BACE2: variants seen among roughly 807,000 people sequenced by gnomAD.
BACE2 encodes 56 kDa aspartic-like protease.
A neutral mutation model predicts 46.2 loss-of-function variants in BACE2; 17 were observed. The observed-to-expected ratio is 0.37, with a 90% confidence interval of 0.25 to 0.55. The LOEUF is 0.55. BACE2 is among the 20% of genes least tolerant of loss of function. BACE2 has a pLI of 0.82. For missense variants in BACE2, 595 were observed against 698.1 expected, an observed-to-expected ratio of 0.85 and a Z score of 1.66; for synonymous variants, 277 against 295.9, an observed-to-expected ratio of 0.94 and a Z score of 0.66.
At chr21:41,265,788 AT>A (rs1279883916) in intron 8 of BACE2, among the ~76,000 whole-genome samples, 1 of 152,212 alleles carries the variant, frequency 6.6e-6, no homozygotes, top group Admixed American at 6.5e-5. Context: ...AGTGTAAAAA[AT>A]GTTTACTTTG....
At chr21:41,256,212 G>A (rs1467309105) in intron 7 of BACE2, among the ~76,000 whole-genome samples, 2 of 152,028 alleles carry the variant, frequency 1.3e-5, no homozygotes, top group Admixed American at 1.3e-4. Context: ...CCTGCATTAG[G>A]TATTTCTCCT....
chr21:41,209,231 G>A (rs1203642753), intron 1 of BACE2, among the ~76,000 whole-genome samples: 1 of 152,226 alleles, frequency 6.6e-6, no homozygotes, highest in Non-Finnish European at 1.5e-5. Context: ...GCGCCTTCTG[G>A]GGGTGGGAGA....
At chr21:41,198,957 G>T (rs1985845660) in intron 1 of BACE2, among the ~76,000 whole-genome samples, 1 of 151,152 alleles carries the variant, frequency 6.6e-6, no homozygotes, top group Non-Finnish European at 1.5e-5. Context: ...GTGACATGCT[G>T]GTGTGCTGCA....
At chr21:41,244,867 G>A (rs1443611732) in intron 5 of BACE2, among the ~76,000 whole-genome samples, 1 of 151,806 alleles carries the variant, frequency 6.6e-6, no homozygotes, top group South Asian at 2.1e-4. Flanking sequence ...AAACCTCTGT[G>A]TGTGTGTGTG....
intron 1 of BACE2, among the ~76,000 whole-genome samples, chr21:41,197,672 A>T (rs73364441): frequency 6.6e-6 from 1 of 152,150 alleles, no homozygotes; most frequent in African/African-American, 2.4e-5. Flanking sequence ...AAAAAATGGA[A>T]ATAAGCCGTA....
At chr21:41,177,018 A>G (rs1261710287) in intron 1 of BACE2, 2 of 152,270 alleles carry the variant, frequency 1.3e-5, no homozygotes, top group Non-Finnish European at 2.9e-5. Context: ...GCTCCAAGGC[A>G]GTGCAAACTA....
chr21:41,262,394 A>G (rs972620464), intron 8 of BACE2, among the ~76,000 whole-genome samples: 6 of 152,018 alleles, frequency 3.9e-5, no homozygotes, highest in African/African-American at 7.2e-5. Flanking sequence ...GTTCCATTCC[A>G]CTGGTCAAGT....
intron 1 of BACE2, among the ~76,000 whole-genome samples, chr21:41,189,422 C>A (rs1601251595): frequency 6.6e-6 from 1 of 152,294 alleles, no homozygotes; most frequent in Non-Finnish European, 1.5e-5. Context: ...GGATCACTTT[C>A]TTTTTCTCTG....
chr21:41,265,378 T>C (rs923972179), intron 8 of BACE2, among the ~76,000 whole-genome samples: 1 of 152,240 alleles, frequency 6.6e-6, no homozygotes, highest in Non-Finnish European at 1.5e-5. Flanking sequence ...TTAAAAGGTA[T>C]ACATATTTGT....
chr21:41,222,490 C>A (rs4816715), intron 1 of BACE2, among the ~76,000 whole-genome samples: 150,087 of 152,332 alleles, frequency 0.99, 73,973 homozygotes, highest in East Asian at 1. Context: ...AGGCCCTGCC[C>A]CTGGGGGATG....
At chr21:41,268,663 T>C (rs2088403399) in intron 8 of BACE2, among the ~76,000 whole-genome samples, 1 of 152,178 alleles carries the variant, frequency 6.6e-6, no homozygotes, top group East Asian at 1.9e-4. Context: ...GGAGGATGGC[T>C]TGAGTTTGAG....
At chr21:41,236,456 C>G (rs1204454569) in intron 2 of BACE2, among the ~76,000 whole-genome samples, 1 of 152,222 alleles carries the variant, frequency 6.6e-6, no homozygotes, top group African/African-American at 2.4e-5. Context: ...GCAGGACTTT[C>G]GTCTGATCTT....
At chr21:41,228,058 C>T (rs932917924) in intron 2 of BACE2, among the ~76,000 whole-genome samples, 2 of 152,180 alleles carry the variant, frequency 1.3e-5, no homozygotes, top group Non-Finnish European at 2.9e-5. Flanking sequence ...GGCCAGCAGT[C>T]CCCAAACCTT....
chr21:41,192,519 C>T (rs565263770), intron 1 of BACE2, among the ~76,000 whole-genome samples: 1 of 152,328 alleles, frequency 6.6e-6, no homozygotes, highest in Admixed American at 6.5e-5. Context: ...AGCCCAGTAA[C>T]AGGCCAAGAG....
At chr21:41,168,720 G>T in intron 1 of BACE2, 145 bp downstream of exon 1, 2 of 538,888 alleles carry the variant, frequency 3.7e-6, no homozygotes, top group Non-Finnish European at 2.8e-6. Flanking sequence ...AGGGGCTCGG[G>T]TGGGCCGGGG....
chr21:41,220,182 G>T (rs544219820), intron 1 of BACE2, among the ~76,000 whole-genome samples: 1 of 152,166 alleles, frequency 6.6e-6, no homozygotes, highest in Non-Finnish European at 1.5e-5. Context: ...GTAGGTTGAG[G>T]TATAGGGGGA....
chr21:41,273,487 T>C (rs1193579806), intron 8 of BACE2, among the ~76,000 whole-genome samples: 1 of 152,252 alleles, frequency 6.6e-6, no homozygotes, highest in Non-Finnish European at 1.5e-5. Flanking sequence ...AATTCAGCGA[T>C]ATTTCTCCTA....
Position 41,168,482 on chromosome 21 carries a change from C to A in BACE2, c.219C>A (p.Gly73=). The A allele has an allele frequency of 2.9e-6, 4 of 1,388,024 alleles. No homozygotes were observed. The highest frequency in any genetic ancestry group is 3.7e-6 in the Non-Finnish European group (4 of 1,067,144). 86.0% of individuals were successfully genotyped at this position (1,388,024 alleles called of 1,614,324 possible). A position where few individuals can be genotyped will look rare whatever the true frequency, so the allele number is the denominator to read the frequency against. ...ALEPALASPA[G]AANFLAMVDN... is the part of the protein sequence containing the mutation. ...AGCCTGCCCTGGCGTCCCCCGCGGG[C>A]GCCGCCAACTTCTTGGCCATGGTAG... The change falls in exon 1 of 9, where the codon GGC becomes GGA. Residue 73 remains glycine, a synonymous_variant. Coordinates refer to ENST00000330333, the MANE Select transcript of BACE2 (RefSeq NM_012105.5).
At chr21:41,271,404 C>T (rs749640699) in intron 8 of BACE2, among the ~76,000 whole-genome samples, 3 of 152,090 alleles carry the variant, frequency 2.0e-5, no homozygotes, top group Admixed American at 6.5e-5. Context: ...AGAAGCTAAC[C>T]TAAAAAGCTT....
Sources: gnomAD v4.1 joint callset for allele counts (sites outside exome capture counted in the v4.1 genomes callset) on GRCh38, gnomAD v4.1.1 for gene constraint, MANE v1.5 for transcripts, NCBI Gene and HGNC (gene_info 2026-07-23, HGNC 2026-07-21) for gene names.